TSKU: variants seen among roughly 807,000 people sequenced by gnomAD.
TSKU encodes the protein tsukushi.
TSKU carries 4 observed loss-of-function variants against 11.2 expected under a neutral mutation model. That is an observed-to-expected ratio of 0.36 (90% CI 0.18 to 0.82). The LOEUF is 0.82. Among genes scored for constraint, TSKU ranks in the 40% least tolerant of loss-of-function variants. TSKU has a pLI of 0.50. For synonymous variants in TSKU, 220 were observed against 232.2 expected (o/e 0.95, Z 0.48); for missense variants, 407 against 482.5 (o/e 0.84, Z 1.47).
At chr11:76,789,313 A>G (rs980360493) in intron 1 of TSKU, among the ~76,000 whole-genome samples, 3 of 152,242 alleles carry the variant, frequency 2.0e-5, no homozygotes, top group African/African-American at 7.2e-5. Context: ...AGGTGGTGAC[A>G]ACTTACAGGT....
intron 1 of TSKU, among the ~76,000 whole-genome samples, chr11:76,787,112 T>C (rs1944320120): frequency 6.6e-6 from 1 of 152,124 alleles, no homozygotes; most frequent in African/African-American, 2.4e-5. Context: ...ACTGGGATTA[T>C]CACCATATTA....
Position 76,795,730 on chromosome 11 carries a change from C to G in TSKU, c.114C>G (p.Ser38Arg). The stretch of plus-strand genomic sequence containing the variant: ...CCTTCGGCCTTTTCGACAGCTTCAG[C>G]CTGACTCGGGTGGATTGTAGCGGCC... ...VETFGLFDSF[S>R]LTRVDCSGLG... is the part of the protein sequence containing the mutation. Residue 38 changes from serine to arginine, a missense_variant, in exon 2 of 2, where the codon AGC (serine) becomes AGG (arginine). Coordinates refer to ENST00000333090, the MANE Select transcript of TSKU (RefSeq NM_015516.4). The G allele has an allele frequency of 6.2e-7, 1 of 1,614,196 alleles. No individual in the cohort carries two copies. Among genetic ancestry groups the G allele is most frequent in the Non-Finnish European group, 8.5e-7 (1 of 1,180,036 alleles).
chr11:76,790,406 C>T (rs1053799741), intron 1 of TSKU, among the ~76,000 whole-genome samples: 13 of 152,316 alleles, frequency 8.5e-5, no homozygotes, highest in Admixed American at 8.5e-4. Flanking sequence ...CATTTGTCAG[C>T]GTCCTGGTGC....
chr11:76,783,241 C>A (rs1461447405), upstream of TSKU: 3 of 150,724 alleles, frequency 2.0e-5, no homozygotes, highest in Admixed American at 6.6e-5. Context: ...TGAGCCGCCC[C>A]GCGGCCGGCC....
chr11:76,796,156 C>A lies in TSKU; in HGVS notation c.540C>A (p.Gly180=), dbSNP rs199748367. 6.8e-6 allele frequency: 11 copies of A among 1,613,652 alleles called. No individual in the cohort carries two copies. The highest frequency in any genetic ancestry group is 6.7e-5 in the African/African-American group (5 of 75,050). The change falls in exon 2 of 2, where the codon GGC becomes GGA. Residue 180 remains glycine (G), a synonymous_variant. Transcript: ENST00000333090. The surrounding 1 kb of genome is among the most constrained non-coding windows in gnomAD (Gnocchi z 4.1). ...TCGTGCCCCACCCCACGAGGGCCGGCCTGCCTGCGCCCACCATTCAGAGCC... is the reference window on the plus strand; with the variant it reads ...TCGTGCCCCACCCCACGAGGGCCGGACTGCCTGCGCCCACCATTCAGAGCC... ...HRLVPHPTRA[G]LPAPTIQSLN...
At chr11:76,784,942 C>T (rs142725767) in intron 1 of TSKU, among the ~76,000 whole-genome samples, 12 of 152,380 alleles carry the variant, frequency 7.9e-5, no homozygotes, top group African/African-American at 2.9e-4. Context: ...TTTCCTTTCC[C>T]TCTCCGGCCT....
At chr11:76,793,950 C>T (rs1461097238) in intron 1 of TSKU, among the ~76,000 whole-genome samples, 1 of 152,134 alleles carries the variant, frequency 6.6e-6, no homozygotes, top group Non-Finnish European at 1.5e-5. Flanking sequence ...GCTGCTCCCT[C>T]CCACCCACCT....
At position 76,794,500 on chromosome 11, in the gene TSKU, A is replaced by G. The variant is rs138307338; in HGVS notation, c.-8-1109A>G. Among the ~76,000 whole-genome samples the G allele has an allele frequency of 2.0e-4, 31 of 152,324 alleles. No individual in the cohort carries two copies. In the East Asian group the frequency reaches 6.0e-3, roughly 29 times the overall value. Reference sequence around the variant, plus strand: ...TGGAGGCAACGCATATGAATATAGTAATTGGAGTACACCAGGCCTGGGTCC... The same window carrying G: ...TGGAGGCAACGCATATGAATATAGTGATTGGAGTACACCAGGCCTGGGTCC... On this transcript the variant is annotated intron_variant, in intron 1 of 1. Coordinates refer to ENST00000333090, the MANE Select transcript of TSKU (RefSeq NM_015516.4).
At chr11:76,782,465 C>G (rs966230917), upstream of TSKU, 1 of 151,902 alleles carries the variant, frequency 6.6e-6, no homozygotes, top group African/African-American at 2.4e-5. Context: ...AGACTGGGAG[C>G]CACCCACACA....
At chr11:76,782,558 C>T (rs915940414), upstream of TSKU, 1 of 147,052 alleles carries the variant, frequency 6.8e-6, no homozygotes, top group African/African-American at 2.6e-5. Context: ...GGATGCTTTC[C>T]TGCCCTTTTT....
At chr11:76,782,560 G>GC (rs1428837460), upstream of TSKU, 2 of 141,416 alleles carry the variant, frequency 1.4e-5, no homozygotes, top group East Asian at 2.4e-4. Context: ...ATGCTTTCCT[G>GC]CCCTTTTTTT....
chr11:76,793,488 G>A (rs1944400973), intron 1 of TSKU, among the ~76,000 whole-genome samples: 1 of 152,298 alleles, frequency 6.6e-6, no homozygotes, highest in East Asian at 1.9e-4. Context: ...GAGGCCATTT[G>A]GCATTTCACG....
intron 1 of TSKU, among the ~76,000 whole-genome samples, chr11:76,793,221 C>A (rs532343162): frequency 6.6e-6 from 1 of 152,406 alleles, no homozygotes; most frequent in South Asian, 2.1e-4. Flanking sequence ...TGCCTCTTTA[C>A]ATCGGCTGTT....
upstream of TSKU, chr11:76,782,618 G>C (rs934809658): frequency 6.6e-6 from 1 of 151,738 alleles, no homozygotes; most frequent in Non-Finnish European, 1.5e-5. Context: ...TACAGCAGGG[G>C]GAATAGACTG....
At chr11:76,793,571 G>A (rs1944401875) in intron 1 of TSKU, among the ~76,000 whole-genome samples, 1 of 152,220 alleles carries the variant, frequency 6.6e-6, no homozygotes, top group South Asian at 2.1e-4. Flanking sequence ...TTAAACCCCA[G>A]GAAGGGTGGG....
At chr11:76,790,608 G>A (rs1476920436) in intron 1 of TSKU, among the ~76,000 whole-genome samples, 2 of 152,142 alleles carry the variant, frequency 1.3e-5, no homozygotes, top group Admixed American at 1.3e-4. Flanking sequence ...GTAATTGAAT[G>A]CAGGAAGCTT....
chr11:76,790,723 A>G (rs1193718066), intron 1 of TSKU, among the ~76,000 whole-genome samples: 9 of 152,200 alleles, frequency 5.9e-5, no homozygotes, highest in East Asian at 1.9e-4. Flanking sequence ...GTTAAGTTCA[A>G]TTAAGCCACT....
At chr11:76,783,683 C>T (rs925509657) in intron 1 of TSKU, among the ~76,000 whole-genome samples, 10 of 152,160 alleles carry the variant, frequency 6.6e-5, no homozygotes, top group Admixed American at 2.6e-4. Flanking sequence ...GTTTGTGGGT[C>T]TTTGTGGATT....
chr11:76,783,831 G>A (rs1475681618), intron 1 of TSKU, among the ~76,000 whole-genome samples: 1 of 152,316 alleles, frequency 6.6e-6, no homozygotes, highest in South Asian at 2.1e-4. Flanking sequence ...CCGCGTACGT[G>A]GTCGGTGCCT....
Sources: gnomAD v4.1 joint callset for allele counts (sites outside exome capture counted in the v4.1 genomes callset) on GRCh38, gnomAD v4.1.1 for gene constraint, Gnocchi (gnomAD v3.1) non-coding constraint, MANE v1.5 for transcripts, NCBI Gene and HGNC (gene_info 2026-07-23, HGNC 2026-07-21) for gene names.